The following ETNK1 variants were observed in gnomAD, a reference collection of about 807,000 sequenced individuals.
ETNK1 encodes the protein putative protein product of Nbla10396.
In ETNK1, 8 loss-of-function variants were observed where a neutral mutation model predicts 45.1. The ratio of observed to expected loss-of-function variants is 0.18; its 90% CI spans 0.10 to 0.32. ETNK1 has a LOEUF of 0.32. Ranked by LOEUF, ETNK1 falls within the 10% of genes least tolerant of loss-of-function variation. The probability of loss-of-function intolerance (pLI) is 1.00; values close to 1 mark genes in which losing one functional copy is unlikely to be tolerated. For synonymous variants in ETNK1, 152 were observed against 151.9 expected (o/e 1.00, Z -0.01); for missense variants, 302 against 430.6 (o/e 0.70, Z 2.64).
In ETNK1 at chr12:22,690,382, T is replaced by C. The variant is rs1193162193; in HGVS notation, c.*5428T>C. 4 of 152,562 alleles carry C rather than the reference T, an allele frequency of 2.6e-5. No individual in the cohort carries two copies. Among genetic ancestry groups the C allele is most frequent in the Non-Finnish European group, 5.9e-5 (4 of 67,946 alleles). The allele number at this position is 152,562 out of a possible 1,614,324, so 9.5% of individuals were successfully genotyped here. A position where few individuals can be genotyped will look rare whatever the true frequency, so the allele number is the denominator to read the frequency against. ...AGTTTTACATTTTTACTACTGTTAATTTAAATAAAATTTGTTCTGTGGATA... is the reference window on the plus strand; with the variant it reads ...AGTTTTACATTTTTACTACTGTTAACTTAAATAAAATTTGTTCTGTGGATA... On this transcript the variant is annotated 3_prime_UTR_variant, in exon 8 of 8. Transcript: ENST00000266517.
chr12:22,673,687 A>C, intron 6 of ETNK1, 27 bp downstream of exon 6: 1 of 1,576,532 alleles, frequency 6.3e-7, no homozygotes, highest in Non-Finnish European at 8.7e-7. Context: ...ACAATTAATG[A>C]AAGGTTCTTA....
chr12:22,633,614 G>A (rs1953612394), intron 1 of ETNK1, among the ~76,000 whole-genome samples: 1 of 152,140 alleles, frequency 6.6e-6, no homozygotes, highest in Non-Finnish European at 1.5e-5. Flanking sequence ...ATTATATTTT[G>A]TGGAATCAGT....
chr12:22,630,800 G>A (rs1241327583), intron 1 of ETNK1, among the ~76,000 whole-genome samples: 2 of 151,682 alleles, frequency 1.3e-5, no homozygotes, highest in South Asian at 2.1e-4. Context: ...TAGTAGAGTC[G>A]GGGTTTCACC....
intron 4 of ETNK1, chr12:22,671,025 AT>A: frequency 2.7e-6 from 1 of 364,630 alleles, no homozygotes; most frequent in Non-Finnish European, 4.9e-6. Context: ...CTGTCTTTTC[AT>A]TTTTCTTTAA....
chr12:22,660,637 A>G (rs1411668080), intron 3 of ETNK1, among the ~76,000 whole-genome samples: 1 of 152,152 alleles, frequency 6.6e-6, no homozygotes, highest in African/African-American at 2.4e-5. Flanking sequence ...CAACCTTGAA[A>G]TATGTATTTT....
At chr12:22,676,942 C>T (rs1362339450) in intron 6 of ETNK1, among the ~76,000 whole-genome samples, 1 of 151,970 alleles carries the variant, frequency 6.6e-6, no homozygotes, top group East Asian at 1.9e-4. Flanking sequence ...CAAAAATTTT[C>T]TCCCATTCTG....
chr12:22,625,200 A>G lies in ETNK1; in HGVS notation c.-231A>G, dbSNP rs1565858543. The G allele has an allele frequency of 3.1e-6, 5 of 1,609,560 alleles. No individual in the cohort carries two copies. The South Asian group carries it at 3.3e-5, about 11-fold the overall frequency. ...CCGCCCGCGGTCCAGCTCCGACAAC[A>G]GGAATTTTCTCCGAGAGCGGGCCGG... On this transcript the variant is annotated 5_prime_UTR_variant, in exon 1 of 8. Transcript: ENST00000266517.
intron 1 of ETNK1, among the ~76,000 whole-genome samples, chr12:22,641,180 A>G (rs755379062): frequency 3.9e-5 from 6 of 152,136 alleles, no homozygotes; most frequent in Non-Finnish European, 8.8e-5. Flanking sequence ...AGGGAGAACT[A>G]CATTGAGAAT....
At chr12:22,652,864 T>C (rs1446511639) in intron 2 of ETNK1, among the ~76,000 whole-genome samples, 1 of 152,190 alleles carries the variant, frequency 6.6e-6, no homozygotes, top group Non-Finnish European at 1.5e-5. Flanking sequence ...ATTTTTACTT[T>C]TGTTGCCTGT....
At chr12:22,643,645 T>G (rs1953767694) in intron 1 of ETNK1, 118 bp from the exon 2 acceptor site, 2 of 674,732 alleles carry the variant, frequency 3.0e-6, no homozygotes, top group Admixed American at 3.1e-5. Context: ...GGTTCTTTTA[T>G]GTGAAGAAGT....
intron 4 of ETNK1, among the ~76,000 whole-genome samples, chr12:22,670,002 TACA>T (rs1565446974): frequency 3.3e-5 from 5 of 152,054 alleles, no homozygotes; most frequent in Non-Finnish European, 7.4e-5. Flanking sequence ...ATATATTAAA[TACA>T]ATTATATTAA....
intron 6 of ETNK1, among the ~76,000 whole-genome samples, chr12:22,679,291 C>G (rs1261709012): frequency 6.6e-6 from 1 of 152,178 alleles, no homozygotes; most frequent in Non-Finnish European, 1.5e-5. Flanking sequence ...TGTCCAAATG[C>G]TGAAGAACTT....
chr12:22,665,966 T>C (rs1954049592), intron 4 of ETNK1, among the ~76,000 whole-genome samples: 1 of 152,170 alleles, frequency 6.6e-6, no homozygotes, highest in South Asian at 2.1e-4. Flanking sequence ...TGTATATATA[T>C]ATATGAGCAT....
chr12:22,651,656 T>A (rs546121083), intron 2 of ETNK1, among the ~76,000 whole-genome samples: 11 of 151,884 alleles, frequency 7.2e-5, no homozygotes, highest in African/African-American at 1.5e-4. Context: ...ATTTTTTTTT[T>A]ATAATGTAAA....
chr12:22,677,335 T>C (rs1250891042), intron 6 of ETNK1, among the ~76,000 whole-genome samples: 1 of 152,314 alleles, frequency 6.6e-6, no homozygotes, highest in East Asian at 1.9e-4. Context: ...TGTGGTGTTA[T>C]TTCTGAGACC....
At chr12:22,647,298 A>G (rs1953819189) in intron 2 of ETNK1, among the ~76,000 whole-genome samples, 1 of 151,908 alleles carries the variant, frequency 6.6e-6, no homozygotes, top group Non-Finnish European at 1.5e-5. Flanking sequence ...ATGCAGTTTC[A>G]AATCAATTGT....
In ETNK1 at chr12:22,625,340, G is replaced by A. The variant is rs1184662962; in HGVS notation, c.-91G>A. The A allele has an allele frequency of 6.3e-7, 1 of 1,580,964 alleles. No homozygotes were observed. The highest frequency in any genetic ancestry group is 8.6e-7 in the Non-Finnish European group (1 of 1,166,078). ...CAGCCCTCCCGCGAGGGCGCCCCGG[G>A]ACGGAAGGATCCACCAGTCTGTCGG... On this transcript the variant is annotated 5_prime_UTR_variant, in exon 1 of 8. Coordinates refer to ENST00000266517, the MANE Select transcript of ETNK1 (RefSeq NM_018638.5).
chr12:22,660,569 G>T (rs925553566), intron 3 of ETNK1, among the ~76,000 whole-genome samples: 2 of 152,056 alleles, frequency 1.3e-5, no homozygotes, highest in African/African-American at 4.8e-5. Flanking sequence ...TTTATCAACT[G>T]TAGACAGTAA....
chr12:22,684,995 G>C lies in ETNK1; in HGVS notation c.*41G>C, dbSNP rs1381372265. On this transcript the variant is annotated 3_prime_UTR_variant, in exon 8 of 8. Coordinates refer to ENST00000266517, the MANE Select transcript of ETNK1 (RefSeq NM_018638.5). ...ATTCTCCAGTAGCTGAGCAATGCTTGTGAATCTTTTCTTAAGAAATCCCAA... is the reference window on the plus strand; with the variant it reads ...ATTCTCCAGTAGCTGAGCAATGCTTCTGAATCTTTTCTTAAGAAATCCCAA... The C allele has an allele frequency of 7.1e-7, 1 of 1,406,776 alleles. No homozygotes were observed. Among genetic ancestry groups the C allele is most frequent in the Non-Finnish European group, 9.8e-7 (1 of 1,023,836 alleles). The allele number at this position is 1,406,776 out of a possible 1,614,324, so 87.1% of individuals were successfully genotyped here. A position where few individuals can be genotyped will look rare whatever the true frequency, so the allele number is the denominator to read the frequency against.
Sources: gnomAD v4.1 joint callset for allele counts (sites outside exome capture counted in the v4.1 genomes callset) on GRCh38, gnomAD v4.1.1 for gene constraint, MANE v1.5 for transcripts, NCBI Gene and HGNC (gene_info 2026-07-23, HGNC 2026-07-21) for gene names.